Variants in FRMD6 observed in about 807,000 individuals in gnomAD.
FRMD6 encodes the protein FERM domain-containing protein 6.
In FRMD6, 37 loss-of-function variants were observed where a neutral mutation model predicts 73.2. That is an observed-to-expected ratio of 0.51 (90% CI 0.39 to 0.66). The LOEUF (loss-of-function observed/expected upper bound fraction) is 0.66, where lower values mean the gene tolerates loss of function less well. Among genes scored for constraint, FRMD6 ranks in the 30% least tolerant of loss-of-function variants. FRMD6 has a pLI of 0.00. For missense variants in FRMD6, 714 were observed against 780.5 expected, an observed-to-expected ratio of 0.91 and a Z score of 1.02; for synonymous variants, 273 against 282.2, an observed-to-expected ratio of 0.97 and a Z score of 0.33.
At chr14:51,498,526 T>C (rs1330498515) in intron 1 of FRMD6, among the ~76,000 whole-genome samples, 1 of 152,212 alleles carries the variant, frequency 6.6e-6, no homozygotes, top group Non-Finnish European at 1.5e-5. Flanking sequence ...TAATTGCTAC[T>C]GGTATTACCT....
At chr14:51,412,795 T>C in the FRMD6 span, among the ~76,000 whole-genome samples, 1 of 151,766 alleles carries the variant, frequency 6.6e-6, no homozygotes, top group Non-Finnish European at 1.5e-5. Context: ...CAGTTTGCAG[T>C]GAGCTGAGAT....
the FRMD6 span, among the ~76,000 whole-genome samples, chr14:51,472,452 T>C: frequency 7.2e-5 from 11 of 152,246 alleles, no homozygotes; most frequent in African/African-American, 1.7e-4. Flanking sequence ...TACAGGCACC[T>C]GCCACCACGC....
chr14:51,510,706 G>C (rs1291365668), intron 1 of FRMD6, among the ~76,000 whole-genome samples: 2 of 152,090 alleles, frequency 1.3e-5, no homozygotes, highest in Non-Finnish European at 2.9e-5. Context: ...AAAATGCCTG[G>C]TAATTGGTCT....
the FRMD6 span, among the ~76,000 whole-genome samples, chr14:51,453,954 C>T: frequency 2.0e-5 from 3 of 152,184 alleles, no homozygotes; most frequent in Non-Finnish European, 4.4e-5. Flanking sequence ...CCACTGGAGA[C>T]ACATGCTTTA....
At chr14:51,501,139 C>T (rs1370072011) in intron 1 of FRMD6, among the ~76,000 whole-genome samples, 1 of 152,190 alleles carries the variant, frequency 6.6e-6, no homozygotes, top group Non-Finnish European at 1.5e-5. Flanking sequence ...AACAGAAGTT[C>T]AGAATCTCTC....
chr14:51,559,393 G>A (rs1887345344), intron 1 of FRMD6, among the ~76,000 whole-genome samples: 1 of 152,064 alleles, frequency 6.6e-6, no homozygotes, highest in Non-Finnish European at 1.5e-5. Flanking sequence ...CAGAGTGCAC[G>A]TTAACAAGCA....
chr14:51,406,997 C>A, the FRMD6 span, among the ~76,000 whole-genome samples: 2 of 151,972 alleles, frequency 1.3e-5, no homozygotes, highest in African/African-American at 2.4e-5. Flanking sequence ...GTTACTAGTT[C>A]TAATTATTTA....
intron 1 of FRMD6, among the ~76,000 whole-genome samples, chr14:51,508,164 C>T (rs1205394456): frequency 6.6e-6 from 1 of 152,144 alleles, no homozygotes; most frequent in Non-Finnish European, 1.5e-5. Context: ...GTCCCGTGCT[C>T]GCAGCCACCT....
At chr14:51,707,073 C>G (rs1699662656) in intron 6 of FRMD6, among the ~76,000 whole-genome samples, 1 of 152,050 alleles carries the variant, frequency 6.6e-6, no homozygotes, top group Non-Finnish European at 1.5e-5. Context: ...AAGCCATCTG[C>G]TTTAGTGCCC....
intron 1 of FRMD6, among the ~76,000 whole-genome samples, chr14:51,545,403 C>T (rs554594638): frequency 2.6e-5 from 4 of 152,182 alleles, no homozygotes; most frequent in African/African-American, 4.8e-5. Flanking sequence ...GCTGCATGAT[C>T]TGTCTTCCGA....
At chr14:51,481,856 G>A in the FRMD6 span, among the ~76,000 whole-genome samples, 1 of 152,228 alleles carries the variant, frequency 6.6e-6, no homozygotes, top group African/African-American at 2.4e-5. Flanking sequence ...CAGTAGATCA[G>A]TAACAGAGAT....
intron 1 of FRMD6, among the ~76,000 whole-genome samples, chr14:51,558,782 G>C (rs1887304502): frequency 6.6e-6 from 1 of 151,996 alleles, no homozygotes; most frequent in African/African-American, 2.4e-5. Context: ...TCCTCTAAAG[G>C]AGTTTTTTTG....
intron 1 of FRMD6, among the ~76,000 whole-genome samples, chr14:51,520,038 C>A (rs937107793): frequency 6.6e-6 from 1 of 151,984 alleles, no homozygotes; most frequent in Admixed American, 6.6e-5. Context: ...AAAAGGCAAA[C>A]AACAAAATGG....
At chr14:51,691,628 TC>T (rs1453473896) in intron 2 of FRMD6, among the ~76,000 whole-genome samples, 1 of 145,688 alleles carries the variant, frequency 6.9e-6, no homozygotes. Context: ...AGAGTCTTTC[TC>T]TGCTGTCCAG....
At chr14:51,703,211 T>C (rs954800437) in intron 5 of FRMD6, among the ~76,000 whole-genome samples, 2 of 152,050 alleles carry the variant, frequency 1.3e-5, no homozygotes, top group African/African-American at 4.8e-5. Context: ...AGGCTCAGGA[T>C]GCAAATTCAG....
upstream of FRMD6, among the ~76,000 whole-genome samples, chr14:51,646,944 G>A (rs1892103201): frequency 6.6e-6 from 1 of 151,946 alleles, no homozygotes; most frequent in South Asian, 2.1e-4. Flanking sequence ...CCAAGAGCAA[G>A]GGGCAGGGTC....
intron 2 of FRMD6, among the ~76,000 whole-genome samples, chr14:51,597,841 G>A (rs1889807757): frequency 6.6e-6 from 1 of 152,166 alleles, no homozygotes; most frequent in Non-Finnish European, 1.5e-5. Flanking sequence ...AGTTCTGACT[G>A]GTCTCTGAGG....
At chr14:51,486,811 T>A (rs1882770256), upstream of FRMD6, among the ~76,000 whole-genome samples, 3 of 152,164 alleles carry the variant, frequency 2.0e-5, no homozygotes, top group South Asian at 6.2e-4. Context: ...TCCCTAACGA[T>A]CTCTGACCTT....
At chr14:51,492,319 G>T (rs1883056676) in intron 1 of FRMD6, among the ~76,000 whole-genome samples, 1 of 152,084 alleles carries the variant, frequency 6.6e-6, no homozygotes, top group Non-Finnish European at 1.5e-5. Flanking sequence ...AACCAGTCTT[G>T]TGATAGCTCA....
Sources: gnomAD v4.1 joint callset for allele counts (sites outside exome capture counted in the v4.1 genomes callset) on GRCh38, gnomAD v4.1.1 for gene constraint, MANE v1.5 for transcripts, NCBI Gene and HGNC (gene_info 2026-07-23, HGNC 2026-07-21) for gene names.